The following DNAJC6 variants were observed in gnomAD, a reference collection of about 807,000 sequenced individuals.
DNAJC6 encodes the protein auxilin.
DNAJC6 carries 34 observed loss-of-function variants against 110.0 expected under a neutral mutation model. That is an observed-to-expected ratio of 0.31 (90% CI 0.24 to 0.41). DNAJC6 has a LOEUF of 0.41. DNAJC6 is among the 10% of genes least tolerant of loss of function. DNAJC6 has a pLI of 1.00. For synonymous variants in DNAJC6, 406 were observed against 437.2 expected (o/e 0.93, Z 0.89); for missense variants, 1,031 against 1,207.8 (o/e 0.85, Z 2.17).
At chr1:65,369,487 AC>A (rs1308601689) in intron 4 of DNAJC6, among the ~76,000 whole-genome samples, 8 of 152,124 alleles carry the variant, frequency 5.3e-5, no homozygotes, top group Admixed American at 1.3e-4. Context: ...CTGAAATTAA[AC>A]CTTATTTTAA....
intron 17 of DNAJC6, among the ~76,000 whole-genome samples, chr1:65,409,618 T>C (rs1352354248): frequency 6.6e-6 from 1 of 152,152 alleles, no homozygotes; most frequent in Non-Finnish European, 1.5e-5. Flanking sequence ...ATCTTTTCTC[T>C]ACCGATAGAG....
chr1:65,299,752 A>G (rs1557506088), intron 1 of DNAJC6, among the ~76,000 whole-genome samples: 1 of 152,168 alleles, frequency 6.6e-6, no homozygotes, highest in Non-Finnish European at 1.5e-5. Context: ...ATTTTTGTAA[A>G]TAAATATCTG....
chr1:65,362,715 G>A (rs1242701836), intron 1 of DNAJC6, among the ~76,000 whole-genome samples: 2 of 152,144 alleles, frequency 1.3e-5, no homozygotes, highest in Non-Finnish European at 2.9e-5. Context: ...AGGAACCCAG[G>A]TGAGAATGAC....
At chr1:65,264,855 G>A in exon 1 of DNAJC6, 1 of 1,610,022 alleles carries the variant, frequency 6.2e-7, no homozygotes, top group Admixed American at 1.7e-5. Flanking sequence ...AAAAGTCAGG[G>A]TTGCAGAATC....
chr1:65,267,922 A>G (rs1328856397), intron 1 of DNAJC6, among the ~76,000 whole-genome samples: 1 of 151,778 alleles, frequency 6.6e-6, no homozygotes, highest in African/African-American at 2.4e-5. Context: ...AGGTGTGACC[A>G]TAGCAACCAG....
intron 2 of DNAJC6, among the ~76,000 whole-genome samples, 165 bp from the exon 3 acceptor site, chr1:65,365,720 T>C (rs1645639257): frequency 6.6e-6 from 1 of 152,132 alleles, no homozygotes; most frequent in Admixed American, 6.5e-5. Context: ...TCACGGGCTT[T>C]CTTTTCTCAG....
chr1:65,311,296 C>T (rs1188093660), intron 1 of DNAJC6, among the ~76,000 whole-genome samples: 6 of 133,748 alleles, frequency 4.5e-5, no homozygotes, highest in East Asian at 2.4e-4. Context: ...GCGAACTCGG[C>T]GGACTGCAAA....
chr1:65,319,630 A>C (rs555143249), intron 1 of DNAJC6, among the ~76,000 whole-genome samples: 8,585 of 151,848 alleles, frequency 0.057, 292 homozygotes, highest in Non-Finnish European at 0.078. Flanking sequence ...GGAAAAAATA[A>C]AAAAAACAAA....
Position 65,408,784 on chromosome 1 carries a change from G to A in DNAJC6, c.2634+1G>A. Reference sequence around the variant, plus strand: ...GGAAATGGATCCTGAGAAATTAAAGGTGAGTGAGGCCCCTGACGCAGCTTG... The same window carrying A: ...GGAAATGGATCCTGAGAAATTAAAGATGAGTGAGGCCCCTGACGCAGCTTG... On this transcript the variant is annotated splice_donor_variant, in intron 17 of 18. Coordinates refer to ENST00000371069, the MANE Select transcript of DNAJC6 (RefSeq NM_001256864.2). LOFTEE classifies it high-confidence loss of function. The A allele has an allele frequency of 1.2e-6, 2 of 1,612,414 alleles. No homozygotes were observed. The highest frequency in any genetic ancestry group is 1.7e-6 in the Non-Finnish European group (2 of 1,179,544).
At chr1:65,412,489 T>C (rs1289629782) in intron 18 of DNAJC6, among the ~76,000 whole-genome samples, 1 of 152,210 alleles carries the variant, frequency 6.6e-6, no homozygotes, top group Non-Finnish European at 1.5e-5. Flanking sequence ...TGCTTGAATT[T>C]TGATGAATCA....
chr1:65,388,989 G>A (rs752913512), intron 9 of DNAJC6, among the ~76,000 whole-genome samples: 18 of 152,172 alleles, frequency 1.2e-4, no homozygotes, highest in South Asian at 4.1e-4. Context: ...GGATTTTGCC[G>A]TGCCAGTCAC....
intron 1 of DNAJC6, among the ~76,000 whole-genome samples, chr1:65,313,780 G>A (rs1437799263): frequency 6.6e-6 from 1 of 152,204 alleles, no homozygotes; most frequent in African/African-American, 2.4e-5. Flanking sequence ...CTAGCCAGAT[G>A]TGACTTCCAG....
At chr1:65,398,698 G>C (rs1282899428) in intron 13 of DNAJC6, 115 bp from the exon 14 acceptor site, 1 of 967,058 alleles carries the variant, frequency 1.0e-6, no homozygotes, top group African/African-American at 1.6e-5. Context: ...GATATCTTGG[G>C]ATCTTGCTGG....
intron 6 of DNAJC6, among the ~76,000 whole-genome samples, chr1:65,384,878 C>T (rs763907140): frequency 9.2e-5 from 14 of 152,206 alleles, no homozygotes; most frequent in East Asian, 1.9e-4. Flanking sequence ...AGCCCCCATA[C>T]GAAAATTTAT....
At chr1:65,387,462 C>G (rs1645883965) in intron 8 of DNAJC6, among the ~76,000 whole-genome samples, 1 of 152,204 alleles carries the variant, frequency 6.6e-6, no homozygotes, top group Admixed American at 6.5e-5. Context: ...CCTATTCCCT[C>G]TCCTCCATCT....
chr1:65,392,273 T>G lies in DNAJC6; in HGVS notation c.1469-158T>G, dbSNP rs550891926. The stretch of plus-strand genomic sequence containing the variant: ...CAACAAGTGGTAGTTGAATGTAACG[T>G]GAAATACATCAAGTGTTCCACTGAT... On this transcript the variant is annotated intron_variant, in intron 11 of 18. Transcript: ENST00000371069. 2.6e-5 allele frequency among the ~76,000 whole-genome samples: 4 copies of G among 152,340 alleles called. No individual in the cohort carries two copies. In the East Asian group the frequency reaches 7.7e-4, roughly 29 times the overall value.
chr1:65,269,911 A>G (rs1219533142), intron 1 of DNAJC6, among the ~76,000 whole-genome samples: 1 of 152,244 alleles, frequency 6.6e-6, no homozygotes, highest in Non-Finnish European at 1.5e-5. Context: ...GTTCCATTCA[A>G]TGATGAATTA....
chr1:65,275,901 T>TTC (rs1336626612), intron 1 of DNAJC6, among the ~76,000 whole-genome samples: 1 of 142,558 alleles, frequency 7.0e-6, no homozygotes, highest in Non-Finnish European at 1.5e-5. Context: ...ATTAGATTCT[T>TTC]TTTTTTTTTT....
At chr1:65,297,515 C>T (rs1644939550) in intron 1 of DNAJC6, among the ~76,000 whole-genome samples, 1 of 152,166 alleles carries the variant, frequency 6.6e-6, no homozygotes, top group Non-Finnish European at 1.5e-5. Flanking sequence ...ATGAAACTGC[C>T]TTTGCAAAAA....
Sources: allele counts gnomAD v4.1 joint callset (sites outside exome capture counted in the v4.1 genomes callset), GRCh38; gene constraint gnomAD v4.1.1; transcripts MANE v1.5; gene names NCBI Gene and HGNC (gene_info 2026-07-23, HGNC 2026-07-21).